Variants in DRC8 observed in about 807,000 individuals in gnomAD.
DRC8 encodes dynein regulatory complex subunit 8.
chr1:245,027,142 C>A, the DRC8 span, among the ~76,000 whole-genome samples: 1 of 152,114 alleles, frequency 6.6e-6, no homozygotes, highest in Non-Finnish European at 1.5e-5. Flanking sequence ...TTTGTAGTTG[C>A]TTTGTTAAAA....
At chr1:244,972,591 C>T in the DRC8 span, among the ~76,000 whole-genome samples, 9 of 152,110 alleles carry the variant, frequency 5.9e-5, no homozygotes, top group African/African-American at 1.9e-4. Context: ...GAGGCTGAGG[C>T]GGGCGGATCA....
the DRC8 span, among the ~76,000 whole-genome samples, chr1:245,093,282 C>T: frequency 6.6e-6 from 1 of 152,062 alleles, no homozygotes; most frequent in South Asian, 2.1e-4. Context: ...TAAGAGGTTT[C>T]TTTTTTTCTT....
At chr1:245,008,804 G>A in the DRC8 span, among the ~76,000 whole-genome samples, 1 of 151,614 alleles carries the variant, frequency 6.6e-6, no homozygotes, top group Admixed American at 6.6e-5. Context: ...GAGTAGTTGG[G>A]ACTATAAGCA....
chr1:245,040,325 T>C, the DRC8 span, among the ~76,000 whole-genome samples: 1 of 152,202 alleles, frequency 6.6e-6, no homozygotes, highest in African/African-American at 2.4e-5. Context: ...GCAGACAGCA[T>C]AGGATCTGGT....
the DRC8 span, among the ~76,000 whole-genome samples, chr1:245,082,691 ATTTTAT>A: frequency 8.6e-5 from 5 of 58,032 alleles, no homozygotes; most frequent in Non-Finnish European, 2.1e-4. Context: ...AGCAGCTTTT[ATTTTAT>A]TTTATTTTAT....
chr1:245,100,019 G>T, the DRC8 span, among the ~76,000 whole-genome samples: 4 of 151,918 alleles, frequency 2.6e-5, no homozygotes, highest in African/African-American at 9.7e-5. Flanking sequence ...TTTTCAGTAG[G>T]TATATTTAAA....
At chr1:245,077,697 A>G in the DRC8 span, among the ~76,000 whole-genome samples, 1 of 152,218 alleles carries the variant, frequency 6.6e-6, no homozygotes, top group African/African-American at 2.4e-5. Context: ...TTGGATCCGT[A>G]TCTCACACCA....
chr1:244,971,240 T>G, the DRC8 span, among the ~76,000 whole-genome samples: 1 of 151,592 alleles, frequency 6.6e-6, no homozygotes, highest in Non-Finnish European at 1.5e-5. Flanking sequence ...AACAGCAATT[T>G]TAATAACGAC....
At chr1:245,059,695 T>C in the DRC8 span, among the ~76,000 whole-genome samples, 2 of 152,138 alleles carry the variant, frequency 1.3e-5, no homozygotes, top group African/African-American at 4.8e-5. Flanking sequence ...AAGAACCCAC[T>C]GTAGAAATGA....
chr1:245,015,218 G>A, the DRC8 span, among the ~76,000 whole-genome samples: 2 of 152,168 alleles, frequency 1.3e-5, no homozygotes, highest in Admixed American at 6.5e-5. Context: ...CTGACCTCAA[G>A]CAATCCTCCT....
At chr1:245,115,749 G>C in the DRC8 span, among the ~76,000 whole-genome samples, 1 of 152,216 alleles carries the variant, frequency 6.6e-6, no homozygotes, top group Non-Finnish European at 1.5e-5. Flanking sequence ...AGGGCAGAAT[G>C]ATGGACAAAG....
the DRC8 span, among the ~76,000 whole-genome samples, chr1:244,982,823 G>T: frequency 6.6e-6 from 1 of 152,128 alleles, no homozygotes; most frequent in Non-Finnish European, 1.5e-5. Context: ...AGCACTTTGG[G>T]AGGCTGAGGC....
the DRC8 span, among the ~76,000 whole-genome samples, chr1:245,064,558 C>G: frequency 5.3e-5 from 8 of 152,210 alleles, no homozygotes; most frequent in African/African-American, 1.9e-4. Context: ...TCTAGTTCCT[C>G]TAGCATTTTA....
the DRC8 span, among the ~76,000 whole-genome samples, chr1:244,990,609 C>A: frequency 1.3e-5 from 2 of 152,124 alleles, no homozygotes; most frequent in East Asian, 3.9e-4. Flanking sequence ...TTTTCGCTGG[C>A]TCCTATGTCA....
chr1:245,079,579 C>T, the DRC8 span, among the ~76,000 whole-genome samples: 6 of 151,664 alleles, frequency 4.0e-5, no homozygotes, highest in Middle Eastern at 3.4e-3. Context: ...ACGATGGAGA[C>T]GGAATTATAG....
the DRC8 span, among the ~76,000 whole-genome samples, chr1:245,051,880 A>G: frequency 3.3e-5 from 5 of 150,878 alleles, no homozygotes; most frequent in African/African-American, 1.2e-4. Flanking sequence ...AGCACTTTTT[A>G]TTTCTCCAAG....
the DRC8 span, among the ~76,000 whole-genome samples, chr1:245,066,872 A>C: frequency 6.6e-6 from 1 of 151,978 alleles, no homozygotes; most frequent in African/African-American, 2.4e-5. Flanking sequence ...GCGCCAGTGC[A>C]CTCCAGCCTG....
the DRC8 span, among the ~76,000 whole-genome samples, chr1:245,118,800 GAAAA>G: frequency 1.4e-5 from 1 of 70,994 alleles, no homozygotes; most frequent in African/African-American, 8.5e-5. Flanking sequence ...CTCAAAAAAA[GAAAA>G]GAAAAGAAAA....
the DRC8 span, among the ~76,000 whole-genome samples, chr1:245,052,823 C>T: frequency 0.52 from 78,482 of 152,070 alleles, 21,604 homozygotes; most frequent in East Asian, 0.72. Context: ...CTGGAGGGAG[C>T]GCAGCCACAG....
Sources: gnomAD v4.1 joint callset for allele counts (sites outside exome capture counted in the v4.1 genomes callset) on GRCh38, gnomAD v4.1.1 for gene constraint, MANE v1.5 for transcripts, NCBI Gene and HGNC (gene_info 2026-07-23, HGNC 2026-07-21) for gene names.